Variants in POC5 observed in about 807,000 individuals in gnomAD.
The protein encoded by POC5 is POC5 centriolar protein.
A neutral mutation model predicts 62.9 loss-of-function variants in POC5; 48 were observed. The ratio of observed to expected loss-of-function variants is 0.76; its 90% CI spans 0.61 to 0.97. The LOEUF is 0.97. POC5 is among the 50% of genes least tolerant of loss of function. The pLI is 0.00. For missense variants in POC5, 696 were observed against 679.5 expected (o/e 1.02, Z -0.27); for synonymous variants, 236 against 228.2 (o/e 1.03, Z -0.31).
intron 4 of POC5, among the ~76,000 whole-genome samples, chr5:75,703,467 A>T (rs1776981467): frequency 1.3e-5 from 2 of 152,008 alleles, no homozygotes; most frequent in Admixed American, 1.3e-4. Flanking sequence ...CTCTACTAAA[A>T]ATACAAAAAT....
intron 10 of POC5, among the ~76,000 whole-genome samples, chr5:75,680,685 T>G (rs1775834174): frequency 6.6e-6 from 1 of 152,118 alleles, no homozygotes; most frequent in Non-Finnish European, 1.5e-5. Flanking sequence ...AGAAAAAAGT[T>G]GCTACTAATC....
Position 75,694,803 on chromosome 5 carries a change from C to A in POC5, c.542G>T (p.Trp181Leu). 6.4e-7 allele frequency: 1 copy of A among 1,560,908 alleles called. No individual in the cohort carries two copies. The highest frequency in any genetic ancestry group is 8.8e-7 in the Non-Finnish European group (1 of 1,140,002). ...GTGCCAGTCAATAAAATTAAGTCTC[C>A]ATTTACTTAGTTCAGATATGATGTT... ...KTNIISELSK[W>L]RLNFIDWHRM... Residue 181 changes from tryptophan (W) to leucine (L), a missense_variant, in exon 6 of 12, where the codon TGG becomes TTG. By Grantham distance (61) the Trp-to-Leu change is moderately conservative. Coordinates refer to ENST00000428202, the MANE Select transcript of POC5 (RefSeq NM_001099271.2).
At chr5:75,694,558 C>CTGT in intron 6 of POC5, 97 bp downstream of exon 6, 1 of 1,000,142 alleles carries the variant, frequency 1.0e-6, no homozygotes, top group Admixed American at 3.6e-5. Context: ...CTGATAGAAC[C>CTGT]TGTATCTTGT....
chr5:75,708,980 G>A (rs1189055168), intron 2 of POC5, among the ~76,000 whole-genome samples: 2 of 152,010 alleles, frequency 1.3e-5, no homozygotes, highest in Admixed American at 6.6e-5. Flanking sequence ...TTACAGGTTT[G>A]TACCACCACG....
Position 75,701,728 on chromosome 5 carries a change from A to AAAAT in POC5, c.513+873_513+876dup, listed in dbSNP as rs139286076. On this transcript the variant is annotated intron_variant, in intron 5 of 11. Coordinates refer to ENST00000428202, the MANE Select transcript of POC5 (RefSeq NM_001099271.2). ...TAAAACTTAAAGTATAATAATAATA[A>AAAAT]AAATAAATAAATAAATAAATAAATA... is the stretch of plus-strand genomic sequence containing the variant. Among the ~76,000 whole-genome samples the AAAAT allele has an allele frequency of 9.1e-3, 1,371 of 150,620 alleles. 5 individuals carry two copies. Among genetic ancestry groups the AAAAT allele is most frequent in the Non-Finnish European group, 0.014 (954 of 67,664 alleles).
intron 11 of POC5, 50 bp from the exon 12 acceptor site, chr5:75,674,628 A>G: frequency 1.3e-6 from 2 of 1,568,564 alleles, no homozygotes; most frequent in Middle Eastern, 1.7e-4. Context: ...TATGTATACT[A>G]TGTATCATTT....
intron 3 of POC5, 39 bp from the exon 4 acceptor site, chr5:75,705,826 C>A: frequency 7.8e-7 from 1 of 1,275,368 alleles, no homozygotes; most frequent in South Asian, 1.4e-5. Flanking sequence ...AACTGAACCA[C>A]TCTTAAATAA....
intron 3 of POC5, 46 bp from the exon 4 acceptor site, chr5:75,705,833 A>G (rs1156936033): frequency 4.2e-6 from 5 of 1,186,070 alleles, no homozygotes; most frequent in Non-Finnish European, 5.9e-6. Flanking sequence ...CCACTCTTAA[A>G]TAAAATGTCT....
At chr5:75,677,013 T>C (rs1031227500) in intron 11 of POC5, among the ~76,000 whole-genome samples, 3 of 152,198 alleles carry the variant, frequency 2.0e-5, no homozygotes, top group African/African-American at 7.2e-5. Context: ...TTAAATTTGC[T>C]TATGGTTTTA....
chr5:75,690,648 T>G, intron 7 of POC5, 86 bp from the exon 8 acceptor site: 1 of 1,067,626 alleles, frequency 9.4e-7, no homozygotes, highest in Non-Finnish European at 1.3e-6. Context: ...TGGTGGTAAG[T>G]GTACATATAC....
intron 2 of POC5, 39 bp from the exon 3 acceptor site, chr5:75,707,914 T>C: frequency 6.7e-7 from 1 of 1,493,814 alleles, no homozygotes; most frequent in Non-Finnish European, 9.1e-7. Context: ...GTGTAACAGT[T>C]ACAATGTTAT....
intron 5 of POC5, among the ~76,000 whole-genome samples, chr5:75,697,720 T>G (rs552505375): frequency 6.6e-6 from 1 of 151,800 alleles, no homozygotes; most frequent in East Asian, 2.0e-4. Context: ...CATAACAATA[T>G]TAACTTTAAA....
chr5:75,693,671 T>C (rs887389763), intron 6 of POC5, among the ~76,000 whole-genome samples: 5 of 152,210 alleles, frequency 3.3e-5, no homozygotes, highest in African/African-American at 1.2e-4. Context: ...AATCAAGGTA[T>C]GTTTAAAAAA....
intron 2 of POC5, among the ~76,000 whole-genome samples, chr5:75,710,111 G>A (rs923602284): frequency 6.6e-6 from 1 of 152,116 alleles, no homozygotes; most frequent in African/African-American, 2.4e-5. Flanking sequence ...ATGCAAACAC[G>A]GTCAACAGCT....
intron 11 of POC5, among the ~76,000 whole-genome samples, chr5:75,676,878 G>A (rs929232834): frequency 1.3e-5 from 2 of 151,408 alleles, no homozygotes; most frequent in African/African-American, 2.4e-5. Flanking sequence ...ATAAATCCTT[G>A]TTTTTCTTTA....
intron 10 of POC5, among the ~76,000 whole-genome samples, chr5:75,678,296 T>C (rs1775751502): frequency 1.3e-5 from 2 of 152,148 alleles, no homozygotes; most frequent in African/African-American, 4.8e-5. Flanking sequence ...TCTGACATAA[T>C]TAGAATATAA....
rs1232510909 is a variant in POC5 at position 75,705,785 on chromosome 5, T to G, written c.226A>C (p.Asn76His). The change falls in exon 4 of 12, where the codon AAT becomes CAT. Residue 76 changes from asparagine to histidine, a missense_variant and splice_region_variant. By Grantham distance (68) the Asn-to-His change is moderately conservative. Transcript: ENST00000428202. Reference sequence around the variant, plus strand: ...GCAGTTTCTCTTACTTCAGAGTTATTTCCTGCCAAAAAGAAAGCTTTTTAA... The same window carrying G: ...GCAGTTTCTCTTACTTCAGAGTTATGTCCTGCCAAAAAGAAAGCTTTTTAA... Reference protein sequence around the residue: ...TIHDILHSQGNNSEVRETAIE... With the variant: ...TIHDILHSQGHNSEVRETAIE... The G allele has an allele frequency of 2.6e-6, 4 of 1,532,842 alleles. No homozygotes were observed. In the South Asian group the frequency reaches 5.1e-5, roughly 19 times the overall value. The allele number at this position is 1,532,842 out of a possible 1,614,324, so 95.0% of individuals were successfully genotyped here. A position where few individuals can be genotyped will look rare whatever the true frequency, so the allele number is the denominator to read the frequency against.
At chr5:75,705,615 C>A in intron 4 of POC5, 89 bp downstream of exon 4, 1 of 729,638 alleles carries the variant, frequency 1.4e-6, no homozygotes, top group Non-Finnish European at 2.1e-6. Flanking sequence ...AAATAATATG[C>A]TGAAATTATT....
intron 10 of POC5, among the ~76,000 whole-genome samples, chr5:75,684,953 T>C (rs1398130819): frequency 3.3e-5 from 5 of 151,678 alleles, no homozygotes; most frequent in Non-Finnish European, 7.4e-5. Flanking sequence ...CTGCAAGCTC[T>C]GTCTACAGGG....
Sources: gnomAD v4.1 joint callset for allele counts (sites outside exome capture counted in the v4.1 genomes callset) on GRCh38, gnomAD v4.1.1 for gene constraint, MANE v1.5 for transcripts, NCBI Gene and HGNC (gene_info 2026-07-23, HGNC 2026-07-21) for gene names.